The following SYN3 variants were observed in gnomAD, a reference collection of about 807,000 sequenced individuals.
SYN3 encodes synapsin III.
Under a neutral mutation model 65.8 loss-of-function variants are expected in SYN3, and 35 were observed. The observed-to-expected ratio is 0.53, with a 90% CI of 0.41 to 0.70. The LOEUF (loss-of-function observed/expected upper bound fraction) is 0.70. Ranked by LOEUF, SYN3 falls within the 30% of genes least tolerant of loss-of-function variation. SYN3 has a pLI of 0.00. For synonymous variants in SYN3, 270 were observed against 292.9 expected (o/e 0.92, Z 0.80); for missense variants, 680 against 749.0 (o/e 0.91, Z 1.08).
chr22:32,578,190 C>CTTTCTCTCTCTTTCTT, intron 7 of SYN3, among the ~76,000 whole-genome samples: 1 of 151,660 alleles, frequency 6.6e-6, no homozygotes, highest in South Asian at 2.1e-4. Flanking sequence ...CTTTCTCTTT[C>CTTTCTCTCTCTTTCTT]TTTCTTTCTC....
At chr22:32,865,748 T>G (rs1302768170) in intron 5 of SYN3, among the ~76,000 whole-genome samples, 1 of 152,122 alleles carries the variant, frequency 6.6e-6, no homozygotes, top group Non-Finnish European at 1.5e-5. Flanking sequence ...TCGCTATGCT[T>G]TATTATTGGA....
intron 3 of SYN3, among the ~76,000 whole-genome samples, chr22:32,944,528 T>C (rs1275225800): frequency 1.3e-5 from 2 of 152,218 alleles, no homozygotes; most frequent in African/African-American, 4.8e-5. Flanking sequence ...AAATTAGGTA[T>C]TGATGGGATG....
chr22:32,676,542 T>C (rs1180109026), intron 6 of SYN3, among the ~76,000 whole-genome samples: 12 of 125,416 alleles, frequency 9.6e-5, no homozygotes, highest in South Asian at 2.8e-4. Context: ...TTTTTTTTTT[T>C]TTTTTTTTTT....
chr22:32,954,846 T>G (rs2051398993), intron 3 of SYN3, among the ~76,000 whole-genome samples: 1 of 152,004 alleles, frequency 6.6e-6, no homozygotes, highest in African/African-American at 2.4e-5. Flanking sequence ...GTAAATGTTT[T>G]TTTTTTTTTC....
At chr22:32,696,760 C>A (rs1459561309) in intron 6 of SYN3, among the ~76,000 whole-genome samples, 5 of 152,178 alleles carry the variant, frequency 3.3e-5, no homozygotes, top group Non-Finnish European at 5.9e-5. Context: ...TTCCTATCCC[C>A]TCTCTCTCCT....
At chr22:32,821,713 T>A (rs1005480262) in intron 6 of SYN3, among the ~76,000 whole-genome samples, 2 of 152,194 alleles carry the variant, frequency 1.3e-5, no homozygotes, top group African/African-American at 4.8e-5. Context: ...AGGGGGTGGA[T>A]TCCTGAACCA....
intron 6 of SYN3, among the ~76,000 whole-genome samples, chr22:32,743,555 G>A (rs1365605209): frequency 1.3e-5 from 2 of 152,126 alleles, no homozygotes; most frequent in Non-Finnish European, 2.9e-5. Flanking sequence ...CACCTGCTTG[G>A]GAAGAGGTAA....
intron 1 of SYN3, among the ~76,000 whole-genome samples, chr22:33,055,506 C>T (rs2054240271): frequency 6.6e-6 from 1 of 152,216 alleles, no homozygotes; most frequent in Non-Finnish European, 1.5e-5. Flanking sequence ...GCACATCCAC[C>T]CTTCATTCAT....
chr22:32,857,372 C>G, intron 6 of SYN3: 1 of 1,603,402 alleles, frequency 6.2e-7, no homozygotes, highest in Non-Finnish European at 8.5e-7. Context: ...TAATGGCCAA[C>G]TCTAGCTTCT....
intron 1 of SYN3, among the ~76,000 whole-genome samples, chr22:33,050,450 C>G (rs1478771587): frequency 1.3e-5 from 2 of 148,846 alleles, no homozygotes; most frequent in African/African-American, 2.5e-5. Flanking sequence ...CCACCGCACT[C>G]CAGCCTGGGT....
At chr22:32,860,817 T>A (rs2048513770) in intron 6 of SYN3, 1 of 151,854 alleles carries the variant, frequency 6.6e-6, no homozygotes, top group Admixed American at 6.6e-5. Flanking sequence ...CCCTGGTGGG[T>A]GAATGCCACC....
intron 6 of SYN3, chr22:32,859,485 A>T (rs2048476132): frequency 7.4e-7 from 1 of 1,358,046 alleles, no homozygotes; most frequent in African/African-American, 1.4e-5. Context: ...TTTCTTGCAA[A>T]TTTAGCACTT....
rs372677361 is a variant in SYN3, at chr22:32,617,735, A to AACTCTTCTC, written c.712-21008_712-21000dup. Among the ~76,000 whole-genome samples the AACTCTTCTC allele has an allele frequency of 2.7e-3, 409 of 152,182 alleles. 1 individual carries two copies. The highest frequency in any genetic ancestry group is 9.5e-3 in the African/African-American group (394 of 41,514). Reference sequence around the variant, plus strand: ...ACCATTAGATTCTCATTTAAGAAAGAACTCTTCTCTGGCTGGTGCCTGGAA... The same window carrying AACTCTTCTC: ...ACCATTAGATTCTCATTTAAGAAAGAACTCTTCTCACTCTTCTCTGGCTGGTGCCTGGAA... On this transcript the variant is annotated intron_variant, in intron 6 of 13. Transcript: ENST00000358763.
chr22:32,657,986 G>A (rs2060165306), intron 6 of SYN3, among the ~76,000 whole-genome samples: 1 of 152,208 alleles, frequency 6.6e-6, no homozygotes, highest in Non-Finnish European at 1.5e-5. Context: ...TCAGTGCCCT[G>A]CAGAGAGTAA....
intron 13 of SYN3, among the ~76,000 whole-genome samples, chr22:32,515,738 A>G (rs944634550): frequency 1.3e-5 from 2 of 152,332 alleles, no homozygotes; most frequent in East Asian, 3.9e-4. Flanking sequence ...ATTATAGTAC[A>G]ATGGTACAGC....
At chr22:32,736,486 T>G (rs2061337902) in intron 6 of SYN3, among the ~76,000 whole-genome samples, 1 of 152,228 alleles carries the variant, frequency 6.6e-6, no homozygotes, top group Non-Finnish European at 1.5e-5. Context: ...TATCCAACAT[T>G]GTGGATTCAT....
At chr22:32,545,859 T>C (rs1463599589) in intron 7 of SYN3, among the ~76,000 whole-genome samples, 3 of 152,210 alleles carry the variant, frequency 2.0e-5, no homozygotes, top group South Asian at 2.1e-4. Flanking sequence ...GGGTATCTTA[T>C]ACACAGGCAT....
intron 6 of SYN3, among the ~76,000 whole-genome samples, chr22:32,633,730 C>A (rs1438189191): frequency 6.6e-6 from 1 of 152,144 alleles, no homozygotes; most frequent in Non-Finnish European, 1.5e-5. Flanking sequence ...CCAAGCAAGC[C>A]TCCTACCTCA....
intron 6 of SYN3, among the ~76,000 whole-genome samples, chr22:32,634,895 C>T (rs747459765): frequency 2.1e-4 from 32 of 152,034 alleles, no homozygotes; most frequent in Non-Finnish European, 3.7e-4. Flanking sequence ...CAACACAAAT[C>T]TGTAAACTGT....
Sources: gnomAD v4.1 joint callset for allele counts (sites outside exome capture counted in the v4.1 genomes callset) on GRCh38, gnomAD v4.1.1 for gene constraint, MANE v1.5 for transcripts, NCBI Gene and HGNC (gene_info 2026-07-23, HGNC 2026-07-21) for gene names.